DGKI: variants seen among roughly 807,000 people sequenced by gnomAD.
DGKI encodes the protein diacylglycerol kinase iota, also known as DAG kinase iota.
DGKI carries 55 observed loss-of-function variants against 147.5 expected under a neutral mutation model. The ratio of observed to expected loss-of-function variants is 0.37; its 90% CI spans 0.30 to 0.47. The LOEUF (loss-of-function observed/expected upper bound fraction) is 0.47, where lower values mean the gene tolerates loss of function less well. DGKI is among the 20% of genes least tolerant of loss of function. DGKI has a pLI of 1.00. For synonymous variants in DGKI, 469 were observed against 477.1 expected (o/e 0.98, Z 0.22); for missense variants, 1,007 against 1,323.8 (o/e 0.76, Z 3.71).
Position 137,388,863 on chromosome 7 carries a change from T to C in DGKI, c.*2357A>G, listed in dbSNP as rs1050055555. On this transcript the variant is annotated 3_prime_UTR_variant, in exon 33 of 33. Transcript: ENST00000614521. ...GCATCAGGAATCTTACAGTACCAAC[T>C]CATCATTTTTCATAACACAGATTTA... 3 of 151,920 alleles carry C rather than the reference T, an allele frequency of 2.0e-5. No homozygotes were observed. Among genetic ancestry groups the C allele is most frequent in the African/African-American group, 7.3e-5 (3 of 41,340 alleles). 9.4% of individuals were successfully genotyped at this position (151,920 alleles called of 1,614,324 possible). A position where few individuals can be genotyped will look rare whatever the true frequency, so the allele number is the denominator to read the frequency against.
intron 1 of DGKI, among the ~76,000 whole-genome samples, chr7:137,829,724 T>C (rs1798165166): frequency 6.6e-6 from 1 of 152,230 alleles, no homozygotes; most frequent in Non-Finnish European, 1.5e-5. Flanking sequence ...ATAAGATAAG[T>C]AATTTTCTTG....
At chr7:137,677,683 C>T (rs562824738) in intron 3 of DGKI, among the ~76,000 whole-genome samples, 1 of 152,288 alleles carries the variant, frequency 6.6e-6, no homozygotes, top group African/African-American at 2.4e-5. Flanking sequence ...CAAGGCCCTA[C>T]ATCTTGCTGC....
chr7:137,787,043 A>G (rs1028926140), intron 1 of DGKI, among the ~76,000 whole-genome samples: 2 of 152,128 alleles, frequency 1.3e-5, no homozygotes, highest in African/African-American at 4.8e-5. Flanking sequence ...CATTGGAAAA[A>G]CCCTTCTAGA....
At chr7:137,667,428 G>A (rs188688126) in intron 3 of DGKI, among the ~76,000 whole-genome samples, 5 of 152,118 alleles carry the variant, frequency 3.3e-5, no homozygotes, top group South Asian at 2.1e-4. Flanking sequence ...AGCATATCAC[G>A]GGTACAGCAG....
chr7:137,409,760 T>C (rs1812092213), intron 29 of DGKI, among the ~76,000 whole-genome samples: 3 of 152,188 alleles, frequency 2.0e-5, no homozygotes, highest in Admixed American at 1.3e-4. Flanking sequence ...CTAGACACCA[T>C]GAACATTCAG....
At chr7:137,403,281 T>C (rs1019692963) in intron 30 of DGKI, among the ~76,000 whole-genome samples, 5 of 152,246 alleles carry the variant, frequency 3.3e-5, no homozygotes, top group African/African-American at 9.6e-5. Context: ...GCATGCTGTA[T>C]AGATGAGAGA....
intron 1 of DGKI, among the ~76,000 whole-genome samples, chr7:137,787,956 T>C (rs1170872075): frequency 6.6e-6 from 1 of 152,088 alleles, no homozygotes; most frequent in Non-Finnish European, 1.5e-5. Flanking sequence ...GCTCAAGTGA[T>C]GGTGCACCAA....
intron 1 of DGKI, among the ~76,000 whole-genome samples, chr7:137,711,684 CTTTTTTTTTTTTTTTT>C (rs71177918): frequency 5.0e-5 from 4 of 79,738 alleles, no homozygotes; most frequent in Admixed American, 1.7e-4. Flanking sequence ...GGGATACCAA[CTTTTTTTTTTTTTTTT>C]TTTTTTTTTT....
At chr7:137,441,420 C>CAAA (rs538892825) in intron 28 of DGKI, among the ~76,000 whole-genome samples, 69 of 67,284 alleles carry the variant, frequency 1.0e-3, no homozygotes, top group East Asian at 1.8e-3. Flanking sequence ...GACTCCGTCT[C>CAAA]AAAAAAAAAA....
At chr7:137,404,502 T>A (rs1286136724) in intron 30 of DGKI, among the ~76,000 whole-genome samples, 1 of 152,196 alleles carries the variant, frequency 6.6e-6, no homozygotes, top group Non-Finnish European at 1.5e-5. Flanking sequence ...CGGTGATCCT[T>A]GGACTGAACA....
chr7:137,489,994 T>G (rs1224754424), intron 21 of DGKI, among the ~76,000 whole-genome samples: 2 of 152,184 alleles, frequency 1.3e-5, no homozygotes, highest in Non-Finnish European at 2.9e-5. Flanking sequence ...TTCAAACATG[T>G]GTCATTCATC....
intron 12 of DGKI, among the ~76,000 whole-genome samples, chr7:137,590,180 A>C (rs1163271121): frequency 6.6e-6 from 1 of 152,242 alleles, no homozygotes; most frequent in African/African-American, 2.4e-5. Context: ...ATGGAGAAAT[A>C]AAAGTGTGTG....
At chr7:137,799,318 T>C (rs1416307309) in intron 1 of DGKI, among the ~76,000 whole-genome samples, 2 of 152,082 alleles carry the variant, frequency 1.3e-5, no homozygotes, top group Non-Finnish European at 2.9e-5. Context: ...AATATACAGA[T>C]AGAAAGTAGA....
chr7:137,702,462 G>A (rs1341689038), intron 1 of DGKI, among the ~76,000 whole-genome samples: 1 of 152,034 alleles, frequency 6.6e-6, no homozygotes, highest in Non-Finnish European at 1.5e-5. Context: ...TAAAAACAAC[G>A]GCAATAATGG....
chr7:137,412,240 T>G, intron 28 of DGKI, 33 bp from the exon 29 acceptor site: 1 of 1,591,844 alleles, frequency 6.3e-7, no homozygotes, highest in Non-Finnish European at 8.6e-7. Context: ...GTCCCATTAG[T>G]AGAAGACCCT....
intron 28 of DGKI, among the ~76,000 whole-genome samples, chr7:137,437,048 T>A (rs1346054074): frequency 1.3e-5 from 2 of 152,184 alleles, no homozygotes; most frequent in Non-Finnish European, 2.9e-5. Context: ...AGTGAACTTC[T>A]TACTTAATTG....
chr7:137,457,653 T>C (rs1563030140), intron 27 of DGKI, among the ~76,000 whole-genome samples: 2 of 152,168 alleles, frequency 1.3e-5, no homozygotes, highest in Non-Finnish European at 2.9e-5. Context: ...TTATTAGGTA[T>C]CTTGGTATCT....
intron 1 of DGKI, among the ~76,000 whole-genome samples, chr7:137,832,360 C>T (rs756792755): frequency 1.2e-4 from 18 of 152,250 alleles, no homozygotes; most frequent in Non-Finnish European, 2.4e-4. Flanking sequence ...ATTTCCCATA[C>T]ATCCTCTGAA....
At chr7:137,679,258 A>G (rs964868025) in intron 2 of DGKI, among the ~76,000 whole-genome samples, 1 of 152,152 alleles carries the variant, frequency 6.6e-6, no homozygotes, top group Non-Finnish European at 1.5e-5. Context: ...TTACTTCTCA[A>G]TTTTTCAAAC....
Sources: allele counts gnomAD v4.1 joint callset (sites outside exome capture counted in the v4.1 genomes callset), GRCh38; gene constraint gnomAD v4.1.1; transcripts MANE v1.5; gene names NCBI Gene and HGNC (gene_info 2026-07-23, HGNC 2026-07-21).